Variants in CMBL observed in about 807,000 individuals in gnomAD.
The protein encoded by CMBL is carboxymethylenebutenolidase homolog, also known as carboxymethylenebutenolidase homolog (Pseudomonas).
A neutral mutation model predicts 28.7 loss-of-function variants in CMBL; 17 were observed. The ratio of observed to expected loss-of-function variants is 0.59; its 90% CI spans 0.41 to 0.89. CMBL has a LOEUF of 0.89. Among genes scored for constraint, CMBL ranks in the 40% least tolerant of loss-of-function variants. The pLI, the probability that CMBL is intolerant of heterozygous loss-of-function variation, is 0.00. For missense variants in CMBL, 310 were observed against 298.5 expected, an observed-to-expected ratio of 1.04 and a Z score of -0.28; for synonymous variants, 106 against 101.6, an observed-to-expected ratio of 1.04 and a Z score of -0.26.
chr5:10,307,547 G>A (rs1191987937), intron 1 of CMBL, 78 bp downstream of exon 1: 1 of 152,294 alleles, frequency 6.6e-6, no homozygotes, highest in Non-Finnish European at 1.5e-5. Flanking sequence ...CTTTGCCATA[G>A]TCAGAACACA....
intron 1 of CMBL, among the ~76,000 whole-genome samples, chr5:10,297,723 A>G (rs1234817974): frequency 1.3e-5 from 2 of 152,074 alleles, no homozygotes; most frequent in East Asian, 3.8e-4. Flanking sequence ...AAACACAATC[A>G]ATGACCCCGG....
At chr5:10,303,465 C>A (rs551369029) in intron 1 of CMBL, among the ~76,000 whole-genome samples, 8 of 152,286 alleles carry the variant, frequency 5.3e-5, no homozygotes, top group African/African-American at 1.4e-4. Flanking sequence ...AGAAGTAAAA[C>A]CATCACTCTT....
At position 10,278,075 on chromosome 5, in the gene CMBL, A is replaced by G. The variant is rs1561059050; in HGVS notation, c.*2378T>C. ...TTGGGGTCCACAACTAAGTGTCCAC[A>G]GTAGACCAGCCCTGCTCAGGCTTGG... On this transcript the variant is annotated 3_prime_UTR_variant, in exon 6 of 6. Coordinates refer to ENST00000296658, the MANE Select transcript of CMBL (RefSeq NM_138809.4). Among the ~76,000 whole-genome samples, 1 of 152,118 alleles carries G rather than the reference A, an allele frequency of 6.6e-6. No individual in the cohort carries two copies.
At chr5:10,285,326 G>A (rs1010148224) in intron 4 of CMBL, among the ~76,000 whole-genome samples, 45 of 152,068 alleles carry the variant, frequency 3.0e-4, no homozygotes, top group African/African-American at 8.2e-4. Flanking sequence ...CCACCACCAC[G>A]CCCAGCTAAT....
intron 1 of CMBL, among the ~76,000 whole-genome samples, chr5:10,301,695 A>G (rs528164004): frequency 4.0e-4 from 58 of 144,242 alleles, no homozygotes; most frequent in Non-Finnish European, 6.4e-4. Context: ...TCCGCCTCCC[A>G]GGTTCAAGCG....
chr5:10,295,177 G>A (rs1362023222), intron 1 of CMBL, among the ~76,000 whole-genome samples: 1 of 151,800 alleles, frequency 6.6e-6, no homozygotes, highest in Non-Finnish European at 1.5e-5. Context: ...TCCACCTTCT[G>A]GGTTCAAGCG....
At chr5:10,285,704 T>TTC (rs1340375897) in intron 4 of CMBL, among the ~76,000 whole-genome samples, 2 of 148,478 alleles carry the variant, frequency 1.3e-5, no homozygotes, top group Non-Finnish European at 1.5e-5. Flanking sequence ...CTTTTTCTTT[T>TTC]TTTTTTTTTT....
At chr5:10,306,188 C>G (rs573068411) in intron 1 of CMBL, among the ~76,000 whole-genome samples, 8 of 152,242 alleles carry the variant, frequency 5.3e-5, no homozygotes, top group African/African-American at 1.9e-4. Context: ...CCTGATTTCA[C>G]GCCCTAAGGA....
intron 1 of CMBL, among the ~76,000 whole-genome samples, chr5:10,297,066 TC>T (rs1746821948): frequency 6.6e-6 from 1 of 151,564 alleles, no homozygotes; most frequent in Non-Finnish European, 1.5e-5. Flanking sequence ...ATGCCTATAA[TC>T]CCAGCTACTT....
At chr5:10,304,447 C>T (rs1746962880) in intron 1 of CMBL, among the ~76,000 whole-genome samples, 1 of 152,214 alleles carries the variant, frequency 6.6e-6, no homozygotes, top group South Asian at 2.1e-4. Context: ...TTTGGCCACA[C>T]TGTTCAGCAC....
chr5:10,294,968 G>A (rs964386111), intron 1 of CMBL, among the ~76,000 whole-genome samples: 6 of 152,196 alleles, frequency 3.9e-5, no homozygotes, highest in Non-Finnish European at 8.8e-5. Flanking sequence ...TGGGTAACAC[G>A]ATAGAAGTTC....
chr5:10,299,710 A>G (rs1269642565), intron 1 of CMBL, among the ~76,000 whole-genome samples: 1 of 151,468 alleles, frequency 6.6e-6, no homozygotes, highest in Non-Finnish European at 1.5e-5. Flanking sequence ...TTAGCCAGGC[A>G]TGGTGGTGTG....
intron 1 of CMBL, among the ~76,000 whole-genome samples, chr5:10,297,272 G>A (rs1039597842): frequency 2.7e-5 from 4 of 149,410 alleles, no homozygotes; most frequent in Non-Finnish European, 5.9e-5. Context: ...ACTTTTGACA[G>A]AAAAAGGAGC....
At chr5:10,290,177 G>A (rs1373012487) in intron 2 of CMBL, among the ~76,000 whole-genome samples, 1 of 152,214 alleles carries the variant, frequency 6.6e-6, no homozygotes, top group Non-Finnish European at 1.5e-5. Flanking sequence ...CGTGAAATCT[G>A]ACACGAGGCT....
In CMBL at chr5:10,289,441, C is replaced by A. The variant is rs1057280167; in HGVS notation, c.216-912G>T. Among the ~76,000 whole-genome samples, 2 of 152,200 alleles carry A rather than the reference C, an allele frequency of 1.3e-5. No individual in the cohort carries two copies. The highest frequency in any genetic ancestry group is 4.8e-5 in the African/African-American group (2 of 41,462). On this transcript the variant is annotated intron_variant, in intron 2 of 5. Transcript: ENST00000296658. The surrounding 1 kb of genome is among the most constrained non-coding windows in gnomAD (Gnocchi z 4.3). ...TCCTGACCCCTGCTAAAGGACCCTC[C>A]GTGAAACAACAGAAACAGCAATGCC... is the stretch of plus-strand genomic sequence containing the variant.
chr5:10,281,897 C>A (rs908674253), intron 5 of CMBL, among the ~76,000 whole-genome samples: 8 of 139,980 alleles, frequency 5.7e-5, no homozygotes, highest in Non-Finnish European at 8.8e-5. Context: ...TGGTGGCTCA[C>A]ACCCATAATC....
At chr5:10,288,574 G>T (rs868447213) in intron 2 of CMBL, 45 bp from the exon 3 acceptor site, 1 of 1,375,968 alleles carries the variant, frequency 7.3e-7, no homozygotes, top group Non-Finnish European at 1.0e-6. Flanking sequence ...AGAGTTGCTT[G>T]ACTCAGTATT....
At chr5:10,283,772 A>G (rs906982794) in intron 4 of CMBL, among the ~76,000 whole-genome samples, 1 of 152,180 alleles carries the variant, frequency 6.6e-6, no homozygotes, top group Non-Finnish European at 1.5e-5. Context: ...TCAAAAAATA[A>G]TAACAATAGT....
intron 1 of CMBL, among the ~76,000 whole-genome samples, chr5:10,301,498 T>C (rs1244670312): frequency 2.7e-5 from 4 of 146,490 alleles, no homozygotes; most frequent in Non-Finnish European, 3.0e-5. Context: ...AGGTAAGGGG[T>C]GGGGGCGCGT....
Sources: allele counts gnomAD v4.1 joint callset (sites outside exome capture counted in the v4.1 genomes callset), GRCh38; gene constraint gnomAD v4.1.1; non-coding constraint Gnocchi (gnomAD v3.1); transcripts MANE v1.5; gene names NCBI Gene and HGNC (gene_info 2026-07-23, HGNC 2026-07-21).